The following SMAD9 variants were observed in gnomAD, a reference collection of about 807,000 sequenced individuals.
SMAD9 encodes the protein MAD homolog 9.
SMAD9 carries 36 observed loss-of-function variants against 46.1 expected under a neutral mutation model. The ratio of observed to expected loss-of-function variants is 0.78; its 90% CI spans 0.60 to 1.03. The LOEUF is 1.03. SMAD9 is among the 50% of genes least tolerant of loss of function. The pLI is 0.00. For synonymous variants in SMAD9, 245 were observed against 237.1 expected, an observed-to-expected ratio of 1.03 and a Z score of -0.31; for missense variants, 572 against 599.8, an observed-to-expected ratio of 0.95 and a Z score of 0.48.
At chr13:36,887,023 G>A (rs1311566238) in intron 1 of SMAD9, among the ~76,000 whole-genome samples, 1 of 150,976 alleles carries the variant, frequency 6.6e-6, no homozygotes, top group Non-Finnish European at 1.5e-5. Context: ...AAAGTGCAAA[G>A]GGGAGCCTTT....
At chr13:36,865,469 G>T (rs965175312) in intron 5 of SMAD9, 68 bp downstream of exon 5, 5 of 1,316,286 alleles carry the variant, frequency 3.8e-6, no homozygotes, top group Non-Finnish European at 5.5e-6. Context: ...GTGGTCACGT[G>T]CACTTCTACA....
chr13:36,885,636 T>C (rs548242622), intron 1 of SMAD9, among the ~76,000 whole-genome samples: 1 of 151,866 alleles, frequency 6.6e-6, no homozygotes, highest in African/African-American at 2.4e-5. Flanking sequence ...CAGTTCTAGT[T>C]TTCTGGGTGG....
At chr13:36,911,724 T>C (rs1293710163) in intron 1 of SMAD9, among the ~76,000 whole-genome samples, 3 of 147,306 alleles carry the variant, frequency 2.0e-5, no homozygotes, top group Non-Finnish European at 3.1e-5. Context: ...TTTTTATTTT[T>C]TGAGACAGAG....
rs2058093445 is a variant in SMAD9, at chr13:36,853,548, G to A, written c.1131C>T (p.Pro377=). 2 of 1,614,056 alleles carry A rather than the reference G, an allele frequency of 1.2e-6. No homozygotes were observed. The highest frequency in any genetic ancestry group is 1.7e-5 in the Admixed American group (1 of 60,006). The change falls in exon 6 of 7, where the codon CCC becomes CCT. Residue 377 remains proline (P), a synonymous_variant. Coordinates refer to ENST00000379826, the MANE Select transcript of SMAD9 (RefSeq NM_001127217.3). ...GFHPATVCKI[P]SGCSLKVFNN... ...TGAAGACCTTGAGGCTGCAGCCGCTGGGGATCTTGCAGACGGTAGCTGGGT... is the reference window on the plus strand; with the variant it reads ...TGAAGACCTTGAGGCTGCAGCCGCTAGGGATCTTGCAGACGGTAGCTGGGT...
chr13:36,891,733 T>C (rs560171090), intron 1 of SMAD9, among the ~76,000 whole-genome samples: 2 of 152,250 alleles, frequency 1.3e-5, no homozygotes, highest in African/African-American at 4.8e-5. Context: ...TTGCTATATT[T>C]TTCTCCAGGT....
At chr13:36,853,173 T>C (rs1349558126) in intron 6 of SMAD9, among the ~76,000 whole-genome samples, 1 of 152,028 alleles carries the variant, frequency 6.6e-6, no homozygotes, top group Non-Finnish European at 1.5e-5. Context: ...TAGTCCCAGC[T>C]ACCCGGGAGG....
intron 1 of SMAD9, among the ~76,000 whole-genome samples, chr13:36,918,015 T>C (rs2058712032): frequency 6.6e-6 from 1 of 152,214 alleles, no homozygotes; most frequent in Non-Finnish European, 1.5e-5. Flanking sequence ...ACTTGTTTAT[T>C]ACTTATGGAT....
chr13:36,900,630 C>T (rs57200104), intron 1 of SMAD9, among the ~76,000 whole-genome samples: 6,526 of 150,976 alleles, frequency 0.043, 341 homozygotes, highest in East Asian at 0.18. Flanking sequence ...TACTATCAAC[C>T]TTTCCTGATT....
intron 1 of SMAD9, among the ~76,000 whole-genome samples, chr13:36,880,856 AGTT>A (rs2058396982): frequency 6.6e-6 from 1 of 152,114 alleles, no homozygotes; most frequent in Non-Finnish European, 1.5e-5. Flanking sequence ...ATGTTAATAC[AGTT>A]TTTTTAATGA....
chr13:36,903,812 A>T (rs2058597541), intron 1 of SMAD9, among the ~76,000 whole-genome samples: 1 of 152,180 alleles, frequency 6.6e-6, no homozygotes, highest in South Asian at 2.1e-4. Flanking sequence ...TAGTCAAATT[A>T]AATAACCTGG....
intron 2 of SMAD9, among the ~76,000 whole-genome samples, chr13:36,877,182 T>G (rs987748046): frequency 6.6e-6 from 1 of 151,972 alleles, no homozygotes; most frequent in Admixed American, 6.6e-5. Flanking sequence ...GCCAACATGG[T>G]GAAACCCCGT....
At chr13:36,891,186 T>C (rs1374072415) in intron 1 of SMAD9, among the ~76,000 whole-genome samples, 2 of 146,498 alleles carry the variant, frequency 1.4e-5, no homozygotes, top group Non-Finnish European at 2.9e-5. Flanking sequence ...TTCCTTGTGC[T>C]TAGGAGTAGA....
chr13:36,896,159 G>T (rs2058526683), intron 1 of SMAD9, among the ~76,000 whole-genome samples: 3 of 150,148 alleles, frequency 2.0e-5, no homozygotes, highest in South Asian at 2.1e-4. Context: ...TTGAGACAGG[G>T]TCTCACTCTT....
intron 5 of SMAD9, among the ~76,000 whole-genome samples, chr13:36,862,967 C>T (rs2058197301): frequency 6.6e-6 from 1 of 152,192 alleles, no homozygotes; most frequent in African/African-American, 2.4e-5. Context: ...GTCTTTCTTC[C>T]ACTGTTGCAT....
At chr13:36,874,873 A>G (rs2058331349) in intron 2 of SMAD9, among the ~76,000 whole-genome samples, 1 of 140,804 alleles carries the variant, frequency 7.1e-6, no homozygotes, top group Non-Finnish European at 1.6e-5. Flanking sequence ...AAAAAAAAAA[A>G]AAAAAATACA....
chr13:36,872,504 G>C, intron 3 of SMAD9, among the ~76,000 whole-genome samples, 154 bp downstream of exon 3: 1 of 151,728 alleles, frequency 6.6e-6, no homozygotes, highest in East Asian at 1.9e-4. Flanking sequence ...TTCAAAATAG[G>C]TATAGTCCTA....
chr13:36,903,126 GTTT>G (rs375828906), intron 1 of SMAD9, among the ~76,000 whole-genome samples: 3,315 of 127,538 alleles, frequency 0.026, 104 homozygotes, highest in African/African-American at 0.09. Flanking sequence ...TTTTCTTTTG[GTTT>G]TTTTTTTTTT....
At chr13:36,910,196 C>CAAA (rs367794803) in intron 1 of SMAD9, among the ~76,000 whole-genome samples, 1 of 119,276 alleles carries the variant, frequency 8.4e-6, no homozygotes, top group Non-Finnish European at 1.8e-5. Context: ...GACTCCGTCT[C>CAAA]AAAAAAAAAA....
At chr13:36,900,279 T>A (rs143483271) in intron 1 of SMAD9, among the ~76,000 whole-genome samples, 3 of 152,228 alleles carry the variant, frequency 2.0e-5, no homozygotes, top group African/African-American at 7.2e-5. Flanking sequence ...TATCTTATTT[T>A]ATTTTTATTT....
Sources: gnomAD v4.1 joint callset for allele counts (sites outside exome capture counted in the v4.1 genomes callset) on GRCh38, gnomAD v4.1.1 for gene constraint, MANE v1.5 for transcripts, NCBI Gene and HGNC (gene_info 2026-07-23, HGNC 2026-07-21) for gene names.